Variants in JAK1 observed in about 807,000 individuals in gnomAD.
The protein encoded by JAK1 is Janus kinase 1, also known as tyrosine-protein kinase JAK1.
In JAK1, 16 loss-of-function variants were observed where a neutral mutation model predicts 136.6. The ratio of observed to expected loss-of-function variants is 0.12; its 90% confidence interval spans 0.08 to 0.18. The LOEUF (loss-of-function observed/expected upper bound fraction) is 0.18, where lower values mean the gene tolerates loss of function less well. Among genes scored for constraint, JAK1 ranks in the 10% least tolerant of loss-of-function variants. The pLI is 1.00. For missense variants in JAK1, 859 were observed against 1,450.1 expected, an observed-to-expected ratio of 0.59 and a Z score of 6.62; for synonymous variants, 492 against 519.5, an observed-to-expected ratio of 0.95 and a Z score of 0.72.
intron 1 of JAK1, among the ~76,000 whole-genome samples, chr1:64,886,751 TACAC>T (rs3838404): frequency 0.16 from 21,949 of 138,766 alleles, 1,998 homozygotes; most frequent in Non-Finnish European, 0.22. Flanking sequence ...CAACCTTGTC[TACAC>T]ACACACACAC....
chr1:65,033,664 G>A (rs1033279353), intron 2 of JAK1, among the ~76,000 whole-genome samples: 1 of 148,444 alleles, frequency 6.7e-6, no homozygotes, highest in Admixed American at 6.8e-5. Context: ...GAGGCAGGAG[G>A]ACTGCTTGAG....
chr1:64,962,679 A>C (rs760501093), intron 1 of JAK1, among the ~76,000 whole-genome samples: 1 of 152,240 alleles, frequency 6.6e-6, no homozygotes. Context: ...AGGAAGCAAC[A>C]GTGGCACACC....
intron 2 of JAK1, among the ~76,000 whole-genome samples, chr1:64,994,184 G>A (rs749676767): frequency 5.3e-5 from 8 of 152,098 alleles, no homozygotes; most frequent in East Asian, 1.9e-4. Flanking sequence ...CAAGTAATCC[G>A]CCTTCCTTGG....
At chr1:64,905,035 G>A (rs949183834) in intron 1 of JAK1, among the ~76,000 whole-genome samples, 1 of 152,162 alleles carries the variant, frequency 6.6e-6, no homozygotes, top group East Asian at 1.9e-4. Flanking sequence ...GTCACCTAGG[G>A]AACAGTGGAG....
At chr1:64,955,227 C>T (rs1174952488) in intron 1 of JAK1, among the ~76,000 whole-genome samples, 1 of 152,162 alleles carries the variant, frequency 6.6e-6, no homozygotes, top group Admixed American at 6.5e-5. Context: ...TCAAGGGCCT[C>T]GTGACTGCAT....
At chr1:64,837,784 A>G (rs555231241) in intron 22 of JAK1, 148 bp downstream of exon 22, 9 of 573,274 alleles carry the variant, frequency 1.6e-5, no homozygotes, top group South Asian at 1.3e-4. Flanking sequence ...TTGAAGATAA[A>G]TATCAATCAA....
At chr1:64,932,145 T>C (rs1013549839) in intron 1 of JAK1, among the ~76,000 whole-genome samples, 3 of 147,308 alleles carry the variant, frequency 2.0e-5, no homozygotes, top group African/African-American at 7.4e-5. Flanking sequence ...CCAGGTGTGG[T>C]TGCTCACGCC....
chr1:64,881,415 T>A (rs559167598), intron 3 of JAK1, among the ~76,000 whole-genome samples: 21 of 152,090 alleles, frequency 1.4e-4, no homozygotes, highest in Non-Finnish European at 2.5e-4. Context: ...TCTAGTAAAA[T>A]GCAGAGCTGA....
In JAK1 at chr1:64,995,734, C is replaced by CTTTTG. The variant is rs532461978; in HGVS notation, c.-78+48741_-78+48745dup. ...AAACCAAAAGAAAAATGATATTGGC[C>CTTTTG]TTTTGTTTTGTTTTGTTTTTGAAAC... is the stretch of plus-strand genomic sequence containing the variant. On this transcript the variant is annotated intron_variant, in intron 2 of 25. Transcript: ENST00000671954. 4.7e-3 allele frequency among the ~76,000 whole-genome samples: 711 copies of CTTTTG among 152,060 alleles called. 5 individuals carry two copies. Among genetic ancestry groups the CTTTTG allele is most frequent in the African/African-American group, 0.016 (660 of 41,470 alleles).
chr1:65,058,647 A>G, intron 1 of JAK1: 1 of 412,286 alleles, frequency 2.4e-6, no homozygotes. Flanking sequence ...AAGAAGGATC[A>G]GAGCCCAGCA....
chr1:65,008,979 C>T (rs561425911), intron 2 of JAK1, among the ~76,000 whole-genome samples: 18 of 152,290 alleles, frequency 1.2e-4, no homozygotes, highest in African/African-American at 3.9e-4. Flanking sequence ...AGCCACTGCA[C>T]ATGGCCCTTG....
intron 2 of JAK1, among the ~76,000 whole-genome samples, chr1:65,024,672 A>G (rs576131016): frequency 2.6e-5 from 4 of 151,138 alleles, no homozygotes; most frequent in Admixed American, 6.6e-5. Flanking sequence ...AAAAAAAAAA[A>G]AAAAAAAAGA....
upstream of JAK1, among the ~76,000 whole-genome samples, chr1:64,968,994 C>T (rs138031693): frequency 0.014 from 2,101 of 150,416 alleles, 50 homozygotes; most frequent in African/African-American, 0.049. Flanking sequence ...CCTGTATTTC[C>T]GACTACTTGG....
At chr1:64,999,631 A>G (rs1296680706) in intron 2 of JAK1, among the ~76,000 whole-genome samples, 1 of 151,610 alleles carries the variant, frequency 6.6e-6, no homozygotes, top group Non-Finnish European at 1.5e-5. Flanking sequence ...GCTTCTTGGG[A>G]GGCTGAAGCA....
chr1:64,964,976 C>T (rs183140562), intron 1 of JAK1, among the ~76,000 whole-genome samples: 11 of 152,242 alleles, frequency 7.2e-5, no homozygotes, highest in Admixed American at 3.3e-4. Context: ...ACATCAGAGT[C>T]ACCAAAAGCA....
chr1:64,833,524 T>C lies in JAK1; in HGVS notation c.*1038A>G. 4.3e-6 allele frequency: 1 copy of C among 233,030 alleles called. No individual in the cohort carries two copies. The highest frequency in any genetic ancestry group is 8.5e-6 in the Non-Finnish European group (1 of 117,866). 14.4% of individuals were successfully genotyped at this position (233,030 alleles called of 1,614,324 possible). On this transcript the variant is annotated 3_prime_UTR_variant, in exon 25 of 25. Transcript: ENST00000342505. Reference sequence around the variant, plus strand: ...ATTACCCAGCTACCTCCAAGCAAACTGAAAACTGTCTAGTGGATCCTGAAG... The same window carrying C: ...ATTACCCAGCTACCTCCAAGCAAACCGAAAACTGTCTAGTGGATCCTGAAG...
At chr1:64,839,109 G>A (rs185308582) in intron 20 of JAK1, among the ~76,000 whole-genome samples, 7,312 of 127,894 alleles carry the variant, frequency 0.057, 383 homozygotes, top group East Asian at 0.24. Context: ...TTGCGCCACT[G>A]CAGTCCAGCC....
At chr1:65,020,072 A>G (rs756845598) in intron 2 of JAK1, among the ~76,000 whole-genome samples, 1 of 151,632 alleles carries the variant, frequency 6.6e-6, no homozygotes, top group Non-Finnish European at 1.5e-5. Flanking sequence ...CTAAAAGTAT[A>G]AAATTAGCCA....
At chr1:64,841,131 A>G in intron 19 of JAK1, 114 bp downstream of exon 19, 4 of 783,708 alleles carry the variant, frequency 5.1e-6, no homozygotes, top group Non-Finnish European at 8.6e-6. Flanking sequence ...GCTTTCGCTC[A>G]TGGACCTGGC....
Sources: gnomAD v4.1 joint callset for allele counts (sites outside exome capture counted in the v4.1 genomes callset) on GRCh38, gnomAD v4.1.1 for gene constraint, MANE v1.5 for transcripts, NCBI Gene and HGNC (gene_info 2026-07-23, HGNC 2026-07-21) for gene names.